STX8: variants seen among roughly 807,000 people sequenced by gnomAD.
STX8 encodes syntaxin-8.
Under a neutral mutation model 37.5 loss-of-function variants are expected in STX8, and 23 were observed. The observed-to-expected ratio is 0.61, with a 90% CI of 0.44 to 0.87. STX8 has a LOEUF of 0.87. Among genes scored for constraint, STX8 ranks in the 40% least tolerant of loss-of-function variants. The pLI is 0.00. For missense variants in STX8, 313 were observed against 284.7 expected (o/e 1.10, Z -0.71); for synonymous variants, 115 against 99.1 (o/e 1.16, Z -0.95).
At chr17:9,414,090 C>T (rs1467379649) in intron 6 of STX8, among the ~76,000 whole-genome samples, 15 of 90,836 alleles carry the variant, frequency 1.7e-4, no homozygotes, top group African/African-American at 5.6e-4. Context: ...GTCCATCCAT[C>T]CATCCATCCA....
At chr17:9,495,347 C>T (rs908893903) in intron 5 of STX8, among the ~76,000 whole-genome samples, 1 of 152,138 alleles carries the variant, frequency 6.6e-6, no homozygotes, top group Non-Finnish European at 1.5e-5. Flanking sequence ...TATAGGATGA[C>T]TGATGTTATA....
intron 4 of STX8, among the ~76,000 whole-genome samples, chr17:9,539,643 G>A (rs534145732): frequency 6.6e-6 from 1 of 151,122 alleles, no homozygotes; most frequent in South Asian, 2.1e-4. Context: ...CACTCACAAA[G>A]TGACAAAGCA....
chr17:9,384,055 C>G (rs753575727), intron 6 of STX8, among the ~76,000 whole-genome samples: 3 of 152,020 alleles, frequency 2.0e-5, no homozygotes, highest in Non-Finnish European at 4.4e-5. Flanking sequence ...CATAGCTGTA[C>G]TAGTTCACAT....
At chr17:9,439,738 C>T (rs183455743) in intron 6 of STX8, among the ~76,000 whole-genome samples, 1 of 151,952 alleles carries the variant, frequency 6.6e-6, no homozygotes. Flanking sequence ...TTGTGATCTG[C>T]CTGCCTCGGC....
At chr17:9,345,129 CAT>C (rs1315924190) in intron 7 of STX8, among the ~76,000 whole-genome samples, 4 of 151,880 alleles carry the variant, frequency 2.6e-5, no homozygotes, top group African/African-American at 7.3e-5. Context: ...TCCTGACTGT[CAT>C]ATACACACAG....
At chr17:9,486,283 G>A (rs991291930) in intron 6 of STX8, among the ~76,000 whole-genome samples, 50 of 152,150 alleles carry the variant, frequency 3.3e-4, no homozygotes, top group African/African-American at 1.2e-3. Context: ...AGGAGAGCCT[G>A]GGACATTTTA....
At chr17:9,542,769 CTGA>C (rs1390686624) in intron 4 of STX8, among the ~76,000 whole-genome samples, 1 of 152,108 alleles carries the variant, frequency 6.6e-6, no homozygotes, top group African/African-American at 2.4e-5. Context: ...TTCAAATCAC[CTGA>C]TGATCTTGTT....
At chr17:9,512,214 C>T (rs924210712) in intron 4 of STX8, among the ~76,000 whole-genome samples, 1 of 152,152 alleles carries the variant, frequency 6.6e-6, no homozygotes, top group African/African-American at 2.4e-5. Flanking sequence ...ATACCAATAA[C>T]ATTCTTCACA....
chr17:9,430,167 A>AATTTATATATAAATAAAATATAAAT (rs71135984), intron 6 of STX8, among the ~76,000 whole-genome samples: 1 of 79,278 alleles, frequency 1.3e-5, no homozygotes, highest in Non-Finnish European at 2.8e-5. Flanking sequence ...TATAAAATAT[A>AATTTATATATAAATAAAATATAAAT]TATAATTTAT....
intron 6 of STX8, among the ~76,000 whole-genome samples, chr17:9,439,620 C>G (rs112737979): frequency 0.054 from 8,213 of 151,610 alleles, 767 homozygotes; most frequent in African/African-American, 0.19. Context: ...CTCAGCCTCC[C>G]GAGCAGCTGG....
intron 6 of STX8, among the ~76,000 whole-genome samples, chr17:9,387,556 G>A (rs375795456): frequency 2.6e-5 from 4 of 152,334 alleles, no homozygotes; most frequent in African/African-American, 9.6e-5. Flanking sequence ...GCCTTCCAAA[G>A]TGCTGGGATT....
At chr17:9,265,708 A>T (rs34981702) in intron 7 of STX8, among the ~76,000 whole-genome samples, 27,931 of 152,136 alleles carry the variant, frequency 0.18, 3,082 homozygotes, top group Non-Finnish European at 0.25. Context: ...ATGTTGCCTG[A>T]GCACCTGCCA....
intron 7 of STX8, among the ~76,000 whole-genome samples, chr17:9,342,946 G>A (rs11867827): frequency 0.033 from 4,921 of 151,170 alleles, 277 homozygotes; most frequent in African/African-American, 0.11. Context: ...GCCTGAACCC[G>A]GGAGGCGGAG....
At chr17:9,373,116 A>AAAAAG (rs1346864201) in intron 7 of STX8, among the ~76,000 whole-genome samples, 1 of 151,336 alleles carries the variant, frequency 6.6e-6, no homozygotes, top group Non-Finnish European at 1.5e-5. Context: ...TCAAAAAAAA[A>AAAAAG]AAAAGAAAAG....
chr17:9,377,277 G>T lies in STX8; in HGVS notation c.643+1275C>A, dbSNP rs557124963. 2.0e-4 allele frequency among the ~76,000 whole-genome samples: 31 copies of T among 151,658 alleles called. 1 individual carries two copies. In the East Asian group the frequency reaches 3.1e-3, roughly 15 times the overall value. Reference sequence around the variant, plus strand: ...GCAAAGTATGTTCTCAGATCTCTAGGTTTTTTTTAAATTGCTTTTGTAATT... The same window carrying T: ...GCAAAGTATGTTCTCAGATCTCTAGTTTTTTTTTAAATTGCTTTTGTAATT... On this transcript the variant is annotated intron_variant, in intron 7 of 7. Coordinates refer to ENST00000306357, the MANE Select transcript of STX8 (RefSeq NM_004853.3).
chr17:9,374,458 C>T (rs1009937065), intron 7 of STX8, among the ~76,000 whole-genome samples: 4 of 152,096 alleles, frequency 2.6e-5, no homozygotes, highest in Non-Finnish European at 1.5e-5. Context: ...CCACAATATG[C>T]TTTGTGTTCA....
chr17:9,368,906 C>T (rs941777881), intron 7 of STX8, among the ~76,000 whole-genome samples: 7 of 149,764 alleles, frequency 4.7e-5, no homozygotes, highest in Non-Finnish European at 1.0e-4. Context: ...CTCTTAAGTC[C>T]TATCTACCTT....
chr17:9,360,482 T>C (rs1420236683), intron 7 of STX8, among the ~76,000 whole-genome samples: 1 of 151,742 alleles, frequency 6.6e-6, no homozygotes, highest in Admixed American at 6.6e-5. Context: ...GTGATCTGCC[T>C]GCCTCGGCCT....
At chr17:9,424,604 T>C (rs1400938187) in intron 6 of STX8, among the ~76,000 whole-genome samples, 1 of 152,170 alleles carries the variant, frequency 6.6e-6, no homozygotes, top group Non-Finnish European at 1.5e-5. Flanking sequence ...TCCAGATCCT[T>C]ATTCCTCTTC....
Sources: gnomAD v4.1 joint callset for allele counts (sites outside exome capture counted in the v4.1 genomes callset) on GRCh38, gnomAD v4.1.1 for gene constraint, MANE v1.5 for transcripts, NCBI Gene and HGNC (gene_info 2026-07-23, HGNC 2026-07-21) for gene names.